Variants in ZNF143 observed in about 807,000 individuals in gnomAD.
ZNF143 encodes the protein zinc finger protein 143.
ZNF143 carries 49 observed loss-of-function variants against 74.1 expected under a neutral mutation model. The ratio of observed to expected loss-of-function variants is 0.66; its 90% CI spans 0.53 to 0.84. The LOEUF (loss-of-function observed/expected upper bound fraction) is 0.84. Ranked by LOEUF, ZNF143 falls within the 40% of genes least tolerant of loss-of-function variation. The probability of loss-of-function intolerance (pLI) is 0.00; values close to 1 mark genes in which losing one functional copy is unlikely to be tolerated. For synonymous variants in ZNF143, 304 were observed against 282.8 expected (o/e 1.07, Z -0.75); for missense variants, 637 against 793.4 (o/e 0.80, Z 2.37).
At position 9,504,682 on chromosome 11, in the gene ZNF143, T is replaced by C. The variant is rs1182695997; in HGVS notation, c.1147+3412T>C. 7.0e-5 allele frequency among the ~76,000 whole-genome samples: 8 copies of C among 114,560 alleles called. 2 individuals are homozygous for C. The highest frequency in any genetic ancestry group is 1.4e-4 in the Non-Finnish European group (7 of 48,494). 75.2% of individuals were successfully genotyped at this position (114,560 alleles called of 152,430 possible). A position where few individuals can be genotyped will look rare whatever the true frequency, so the allele number is the denominator to read the frequency against. ...CATTTTTTTCTTTTTTCTTTTTTTTTTTTTTTTTTTGAGACAGCGTCTCGC... is the reference window on the plus strand; with the variant it reads ...CATTTTTTTCTTTTTTCTTTTTTTTCTTTTTTTTTTGAGACAGCGTCTCGC... On this transcript the variant is annotated intron_variant, in intron 11 of 15. Transcript: ENST00000396602.
chr11:9,506,894 A>G (rs1029903743), intron 11 of ZNF143, among the ~76,000 whole-genome samples: 1 of 152,138 alleles, frequency 6.6e-6, no homozygotes, highest in African/African-American at 2.4e-5. Context: ...TCAAAAGCTC[A>G]ATCCAAATCC....
intron 11 of ZNF143, among the ~76,000 whole-genome samples, chr11:9,507,844 A>G (rs940164713): frequency 6.6e-6 from 1 of 152,240 alleles, no homozygotes; most frequent in Non-Finnish European, 1.5e-5. Context: ...GTTTCGGAAT[A>G]ATCCTGGTCG....
At chr11:9,524,774 AGTACCACTG>A (rs1849065253) in intron 14 of ZNF143, among the ~76,000 whole-genome samples, 1 of 152,186 alleles carries the variant, frequency 6.6e-6, no homozygotes, top group Non-Finnish European at 1.5e-5. Context: ...GTTTGTCAGT[AGTACCACTG>A]GTCCTTTCAG....
chr11:9,505,304 CT>C (rs1848322159), intron 11 of ZNF143, among the ~76,000 whole-genome samples: 1 of 150,202 alleles, frequency 6.7e-6, no homozygotes, highest in South Asian at 2.1e-4. Flanking sequence ...GAGTCTCGCT[CT>C]GTCGCTCAGG....
chr11:9,474,527 TA>T, intron 4 of ZNF143, 22 bp from the exon 5 acceptor site: 1 of 1,613,526 alleles, frequency 6.2e-7, no homozygotes, highest in South Asian at 1.1e-5. Context: ...ACATGAGATC[TA>T]AATGTAAGCA....
rs1855784760 is a variant in ZNF143 at position 9,461,048 on chromosome 11, G to A, written c.-36G>A. On this transcript the variant is annotated 5_prime_UTR_variant, in exon 1 of 16. Coordinates refer to ENST00000396602, the MANE Select transcript of ZNF143 (RefSeq NM_003442.6). ...CTGTCCTGGTGCATGGTGGTCGGAC[G>A]AAGGAATTGTTGGAAAATTTTCTCG... 3 of 985,984 alleles carry A rather than the reference G, an allele frequency of 3.0e-6. No individual in the cohort carries two copies. The highest frequency in any genetic ancestry group is 3.6e-6 in the Non-Finnish European group (3 of 830,068). 61.1% of individuals were successfully genotyped at this position (985,984 alleles called of 1,614,324 possible). A position where few individuals can be genotyped will look rare whatever the true frequency, so the allele number is the denominator to read the frequency against.
At chr11:9,507,014 C>G (rs1848388886) in intron 11 of ZNF143, among the ~76,000 whole-genome samples, 1 of 152,074 alleles carries the variant, frequency 6.6e-6, no homozygotes, top group Non-Finnish European at 1.5e-5. Context: ...TTTCTCTTGC[C>G]CTCACCACAT....
intron 1 of ZNF143, chr11:9,461,901 C>T (rs898664164): frequency 4.6e-5 from 7 of 152,162 alleles, no homozygotes; most frequent in Admixed American, 1.3e-4. Flanking sequence ...TCAGCGTCAG[C>T]CTTTGCTTTG....
At chr11:9,520,161 TTAG>T (rs1848867905) in intron 14 of ZNF143, among the ~76,000 whole-genome samples, 1 of 149,218 alleles carries the variant, frequency 6.7e-6, no homozygotes. Flanking sequence ...CTCGGCCTCC[TTAG>T]TAGCAGGATT....
At chr11:9,486,336 TTATATTATATATATATTATATATATATTA>T (rs1847470567) in intron 7 of ZNF143, among the ~76,000 whole-genome samples, 1 of 80,416 alleles carries the variant, frequency 1.2e-5, no homozygotes, top group South Asian at 3.2e-4. Flanking sequence ...TAGGCGCTAA[TTATATTATATATATATTATATATATATTA>T]TATATAATAT....
rs1277804687 is a variant in ZNF143, at chr11:9,516,196, T to C, written c.1525-5T>C. On this transcript the variant is annotated splice_region_variant and splice_polypyrimidine_tract_variant and intron_variant, in intron 13 of 15. Coordinates refer to ENST00000396602, the MANE Select transcript of ZNF143 (RefSeq NM_003442.6). ...GACTGCTTTGTAAAATTCACTGTAT[T>C]GCAGGTCAACATATCTCAAGCTGAC... The C allele has an allele frequency of 6.2e-7, 1 of 1,613,406 alleles. No homozygotes were observed. Among genetic ancestry groups the C allele is most frequent in the Non-Finnish European group, 8.5e-7 (1 of 1,179,684 alleles).
rs1474915510 is a variant in ZNF143, at chr11:9,482,339, C to T, written c.645+2793C>T. On this transcript the variant is annotated intron_variant, in intron 7 of 15. Coordinates refer to ENST00000396602, the MANE Select transcript of ZNF143 (RefSeq NM_003442.6). ...AGGCTGGAGTGCAGTGGCTCGATCT[C>T]GGCTCACTGTAAGCTCCGTCTCCCG... 9.6e-4 allele frequency among the ~76,000 whole-genome samples: 132 copies of T among 137,348 alleles called. 1 individual carries two copies. The highest frequency in any genetic ancestry group is 0.011 in the Middle Eastern group (2 of 190). 90.1% of individuals were successfully genotyped at this position (137,348 alleles called of 152,430 possible). A position where few individuals can be genotyped will look rare whatever the true frequency, so the allele number is the denominator to read the frequency against.
In ZNF143 at chr11:9,471,389, G is replaced by T. The variant is rs148538480; in HGVS notation, c.81G>T (p.Thr27=). 45 of 1,612,110 alleles carry T rather than the reference G, an allele frequency of 2.8e-5. No homozygotes were observed. The highest frequency in any genetic ancestry group is 1.6e-4 in the Middle Eastern group (1 of 6,078). Residue 27 remains threonine, a synonymous_variant, in exon 2 of 16, where the codon ACG becomes ACT. Coordinates refer to ENST00000396602, the MANE Select transcript of ZNF143 (RefSeq NM_003442.6). Reference sequence around the variant, plus strand: ...GAGGGATGGAGGCGCAACATGTTACGCTGTGCTTGACAGAGGCAGTCACCG... The same window carrying T: ...GAGGGATGGAGGCGCAACATGTTACTCTGTGCTTGACAGAGGCAGTCACCG... ...PGGGMEAQHV[T]LCLTEAVTVA...
Position 9,527,941 on chromosome 11 carries a change from A to T in ZNF143, c.*328A>T, listed in dbSNP as rs1162831668. 5.7e-6 allele frequency: 1 copy of T among 176,626 alleles called. No homozygotes were observed. Among genetic ancestry groups the T allele is most frequent in the Non-Finnish European group, 1.2e-5 (1 of 84,306 alleles). The allele number at this position is 176,626 out of a possible 1,614,324, so 10.9% of individuals were successfully genotyped here. ...TTATGGAGTCTTATGATGGATTTTT[A>T]ACTTCCCGTGGAAAAAAAAATAAAG... is the stretch of plus-strand genomic sequence containing the variant. On this transcript the variant is annotated 3_prime_UTR_variant, in exon 16 of 16. Coordinates refer to ENST00000396602, the MANE Select transcript of ZNF143 (RefSeq NM_003442.6).
chr11:9,527,408 A>G, intron 15 of ZNF143, 122 bp from the exon 16 acceptor site: 1 of 848,392 alleles, frequency 1.2e-6, no homozygotes, highest in Non-Finnish European at 1.9e-6. Context: ...GTAGTATTTT[A>G]ACAATCCCAA....
chr11:9,517,618 A>G (rs1848770231), intron 14 of ZNF143, among the ~76,000 whole-genome samples: 1 of 152,138 alleles, frequency 6.6e-6, no homozygotes, highest in South Asian at 2.1e-4. Context: ...TGCCAATCTG[A>G]TGTATTTTTC....
chr11:9,522,484 A>C (rs1003826660), intron 14 of ZNF143, among the ~76,000 whole-genome samples: 1 of 151,912 alleles, frequency 6.6e-6, no homozygotes, highest in African/African-American at 2.4e-5. Flanking sequence ...CTGGGAATCT[A>C]TTTGGCTTTT....
Position 9,466,278 on chromosome 11 carries a change from C to T in ZNF143, c.-7-5024C>T, listed in dbSNP as rs1354176583. 2.0e-5 allele frequency among the ~76,000 whole-genome samples: 3 copies of T among 149,882 alleles called. No homozygotes were observed. In the East Asian group the frequency reaches 5.9e-4, roughly 29 times the overall value. ...GATTACAGACGTGAGCCACCATGCG[C>T]AGCCTAATTTTTTTCTTTTCTTTTC... On this transcript the variant is annotated intron_variant, in intron 1 of 15. Transcript: ENST00000396602.
At chr11:9,507,353 A>G (rs568152709) in intron 11 of ZNF143, among the ~76,000 whole-genome samples, 38 of 152,070 alleles carry the variant, frequency 2.5e-4, no homozygotes, top group Non-Finnish European at 5.0e-4. Context: ...CCCCCATTCC[A>G]TATTTGTATT....
Sources: allele counts gnomAD v4.1 joint callset (sites outside exome capture counted in the v4.1 genomes callset), GRCh38; gene constraint gnomAD v4.1.1; transcripts MANE v1.5; gene names NCBI Gene and HGNC (gene_info 2026-07-23, HGNC 2026-07-21).